TMEM232: variants seen among roughly 807,000 people sequenced by gnomAD.
TMEM232 encodes transmembrane protein 232.
Under a neutral mutation model 78.8 loss-of-function variants are expected in TMEM232, and 80 were observed. The ratio of observed to expected loss-of-function variants is 1.01; its 90% CI spans 0.85 to 1.22. The LOEUF is 1.22. Among genes scored for constraint, TMEM232 ranks in the 50% most tolerant of loss-of-function variants. The probability of loss-of-function intolerance (pLI) is 0.00; values close to 1 mark genes in which losing one functional copy is unlikely to be tolerated. For missense variants in TMEM232, 881 were observed against 742.2 expected (o/e 1.19, Z -2.17); for synonymous variants, 297 against 254.3 (o/e 1.17, Z -1.60).
chr5:110,683,514 C>T (rs1793016819), intron 1 of TMEM232, among the ~76,000 whole-genome samples: 1 of 151,748 alleles, frequency 6.6e-6, no homozygotes, highest in Non-Finnish European at 1.5e-5. Flanking sequence ...GAATAACCAG[C>T]ACGCTTAAAC....
chr5:110,618,533 C>T lies in TMEM232; in HGVS notation c.798G>A (p.Trp266Ter), dbSNP rs1227217220. The T allele has an allele frequency of 6.5e-7, 1 of 1,550,256 alleles. No homozygotes were observed. The highest frequency in any genetic ancestry group is 1.2e-5 in the South Asian group (1 of 83,562). ...MGGYEINHLL[W>*]HCVAAWSCVQ... Reference sequence around the variant, plus strand: ...CACAAGACCAAGCAGCAACACAGTGCCAGAGCAGGTGGTTAATTTCATATC... The same window carrying T: ...CACAAGACCAAGCAGCAACACAGTGTCAGAGCAGGTGGTTAATTTCATATC... Residue 266 changes from tryptophan to a stop codon, truncating the protein, a stop_gained, in exon 8 of 14, where the codon TGG (tryptophan) becomes TGA (stop). Coordinates refer to ENST00000455884, the MANE Select transcript of TMEM232 (RefSeq NM_001039763.4). LOFTEE classifies it high-confidence loss of function.
At chr5:110,432,451 C>G (rs1473131850) in intron 12 of TMEM232, among the ~76,000 whole-genome samples, 1 of 151,566 alleles carries the variant, frequency 6.6e-6, no homozygotes, top group Non-Finnish European at 1.5e-5. Context: ...TTCATCACAT[C>G]TTAACTGGCC....
chr5:110,615,844 T>C (rs1294282865), intron 8 of TMEM232, among the ~76,000 whole-genome samples: 1 of 151,978 alleles, frequency 6.6e-6, no homozygotes, highest in Non-Finnish European at 1.5e-5. Context: ...AGCACTGCTA[T>C]ATACTAATGA....
intron 2 of TMEM232, among the ~76,000 whole-genome samples, chr5:110,652,455 T>C (rs1788471018): frequency 6.6e-6 from 1 of 152,218 alleles, no homozygotes; most frequent in Non-Finnish European, 1.5e-5. Flanking sequence ...AGGATGAAAA[T>C]AATATCTAAT....
At chr5:110,468,292 A>AAAAT (rs1481566230) in intron 12 of TMEM232, among the ~76,000 whole-genome samples, 1 of 149,118 alleles carries the variant, frequency 6.7e-6, no homozygotes, top group African/African-American at 2.6e-5. Context: ...ATAAGAGCAT[A>AAAAT]AAATAATGTT....
chr5:110,409,717 TG>T (rs1207942771), intron 2 of TMEM232, among the ~76,000 whole-genome samples: 1 of 152,078 alleles, frequency 6.6e-6, no homozygotes, highest in East Asian at 1.9e-4. Context: ...TTTTCAGGGT[TG>T]GGATGGTCTC....
intron 11 of TMEM232, among the ~76,000 whole-genome samples, chr5:110,535,436 C>A (rs141176329): frequency 2.0e-5 from 3 of 152,084 alleles, no homozygotes; most frequent in Non-Finnish European, 4.4e-5. Context: ...AGACTCAGCC[C>A]GCCTGCACCC....
intron 13 of TMEM232, among the ~76,000 whole-genome samples, chr5:110,422,501 C>T (rs1300931665): frequency 9.2e-6 from 1 of 108,338 alleles, no homozygotes. Flanking sequence ...GCCTGGGCCA[C>T]AGAGCGAGAC....
chr5:110,508,852 TTA>T (rs1269654655), intron 12 of TMEM232, among the ~76,000 whole-genome samples: 16 of 139,512 alleles, frequency 1.1e-4, no homozygotes, highest in South Asian at 6.5e-4. Flanking sequence ...ATATATATAA[TTA>T]TATATATATA....
At chr5:110,559,409 A>G (rs1390552870) in intron 11 of TMEM232, among the ~76,000 whole-genome samples, 1 of 152,160 alleles carries the variant, frequency 6.6e-6, no homozygotes, top group African/African-American at 2.4e-5. Context: ...AAAAGCAACT[A>G]AAAAGTAGAA....
chr5:110,599,227 T>C (rs1040118235), intron 10 of TMEM232, among the ~76,000 whole-genome samples: 5 of 151,914 alleles, frequency 3.3e-5, no homozygotes, highest in Non-Finnish European at 7.4e-5. Context: ...TGCCAAAATA[T>C]AAAGACCAAT....
At chr5:110,686,352 T>A (rs1235139582) in intron 1 of TMEM232, among the ~76,000 whole-genome samples, 2 of 151,946 alleles carry the variant, frequency 1.3e-5, no homozygotes, top group African/African-American at 4.8e-5. Context: ...GAGCCATGTA[T>A]AGAGGATCAG....
intron 7 of TMEM232, among the ~76,000 whole-genome samples, chr5:110,623,594 G>A (rs1053918766): frequency 3.9e-5 from 6 of 152,072 alleles, no homozygotes; most frequent in African/African-American, 1.4e-4. Context: ...ATAGTCAACT[G>A]ACCTGGAAAA....
At chr5:110,527,957 T>C (rs1770839961) in intron 12 of TMEM232, among the ~76,000 whole-genome samples, 1 of 152,018 alleles carries the variant, frequency 6.6e-6, no homozygotes, top group South Asian at 2.1e-4. Context: ...GAGTGATTTT[T>C]CATCTATTTT....
intron 1 of TMEM232, among the ~76,000 whole-genome samples, chr5:110,705,591 C>G (rs919806648): frequency 3.3e-5 from 5 of 150,954 alleles, no homozygotes; most frequent in African/African-American, 1.2e-4. Context: ...TAAAACATGA[C>G]CAACCATTTT....
At chr5:110,584,377 G>T (rs1036685361) in intron 10 of TMEM232, among the ~76,000 whole-genome samples, 1 of 151,846 alleles carries the variant, frequency 6.6e-6, no homozygotes, top group African/African-American at 2.4e-5. Context: ...AAAACATTAC[G>T]CTAAGTGAAT....
intron 8 of TMEM232, among the ~76,000 whole-genome samples, chr5:110,607,516 T>C (rs1486657087): frequency 3.9e-5 from 6 of 152,026 alleles, no homozygotes; most frequent in Admixed American, 3.3e-4. Flanking sequence ...CCCCTCAAGA[T>C]GGAATTCTCT....
intron 3 of TMEM232, among the ~76,000 whole-genome samples, chr5:110,642,032 G>A (rs553524269): frequency 3.9e-5 from 6 of 151,938 alleles, no homozygotes; most frequent in Admixed American, 2.0e-4. Context: ...CAGACTTAAC[G>A]TTTTGCTATG....
intron 5 of TMEM232, among the ~76,000 whole-genome samples, chr5:110,635,991 T>C (rs563632081): frequency 1.3e-5 from 2 of 152,090 alleles, no homozygotes; most frequent in East Asian, 3.9e-4. Flanking sequence ...CTCTTCACAA[T>C]AGTAAAGATA....
Sources: gnomAD v4.1 joint callset for allele counts (sites outside exome capture counted in the v4.1 genomes callset) on GRCh38, gnomAD v4.1.1 for gene constraint, MANE v1.5 for transcripts, NCBI Gene and HGNC (gene_info 2026-07-23, HGNC 2026-07-21) for gene names.